The following BEND7 variants were observed in gnomAD, a reference collection of about 807,000 sequenced individuals.
The protein encoded by BEND7 is BEN domain containing 7, also known as BEN domain-containing protein 7.
BEND7 carries 28 observed loss-of-function variants against 50.9 expected under a neutral mutation model. That is an observed-to-expected ratio of 0.55 (90% CI 0.41 to 0.75). The LOEUF (loss-of-function observed/expected upper bound fraction) is 0.75. Ranked by LOEUF, BEND7 falls within the 30% of genes least tolerant of loss-of-function variation. The probability of loss-of-function intolerance (pLI) is 0.00; values close to 1 mark genes in which losing one functional copy is unlikely to be tolerated. For missense variants in BEND7, 477 were observed against 491.3 expected (o/e 0.97, Z 0.28); for synonymous variants, 170 against 183.9 (o/e 0.92, Z 0.61).
chr10:13,528,444 C>T (rs2079563831), intron 1 of BEND7, 29 bp downstream of exon 1: 1 of 1,001,112 alleles, frequency 1.0e-6, no homozygotes, highest in Non-Finnish European at 1.2e-6. Context: ...CGCCCGCTGC[C>T]TGCCCCCGCC....
chr10:13,517,648 G>A (rs1010961636), intron 2 of BEND7, among the ~76,000 whole-genome samples: 1 of 152,194 alleles, frequency 6.6e-6, no homozygotes, highest in Non-Finnish European at 1.5e-5. Flanking sequence ...AGCTACTTGG[G>A]AGGCTGAGTA....
chr10:13,474,004 C>T (rs576691101), intron 6 of BEND7, among the ~76,000 whole-genome samples: 2 of 152,028 alleles, frequency 1.3e-5, no homozygotes, highest in South Asian at 4.2e-4. Flanking sequence ...GGGCTGATAT[C>T]TGTCATTGCT....
At chr10:13,463,338 G>T (rs2073906636) in intron 6 of BEND7, among the ~76,000 whole-genome samples, 1 of 152,210 alleles carries the variant, frequency 6.6e-6, no homozygotes, top group African/African-American at 2.4e-5. Flanking sequence ...CTGGAGAGGA[G>T]AAAGGGGAGG....
intron 6 of BEND7, among the ~76,000 whole-genome samples, chr10:13,453,399 G>C (rs926980056): frequency 2.0e-5 from 3 of 152,074 alleles, no homozygotes; most frequent in African/African-American, 7.3e-5. Context: ...AGATCTGGTA[G>C]GCCATCACAT....
rs373138745 is a variant in BEND7, at chr10:13,441,147, T to C, written c.*596A>G. On this transcript the variant is annotated 3_prime_UTR_variant, in exon 9 of 9. Transcript: ENST00000466271. Reference sequence around the variant, plus strand: ...CAGACATAAAGAGCATCTTGGGAATTGATACCACAACACAATGTTATACAC... The same window carrying C: ...CAGACATAAAGAGCATCTTGGGAATCGATACCACAACACAATGTTATACAC... 2.3e-5 allele frequency: 23 copies of C among 984,840 alleles called. No individual in the cohort carries two copies. Among genetic ancestry groups the C allele is most frequent in the Admixed American group, 1.2e-4 (2 of 16,288 alleles). The allele number at this position is 984,840 out of a possible 1,614,324, so 61.0% of individuals were successfully genotyped here.
At chr10:13,464,593 G>A (rs901035951) in intron 6 of BEND7, among the ~76,000 whole-genome samples, 2 of 152,078 alleles carry the variant, frequency 1.3e-5, no homozygotes, top group Non-Finnish European at 2.9e-5. Context: ...TTAGAGAGGG[G>A]ATATGAAGTA....
At position 13,477,253 on chromosome 10, in the gene BEND7, T is replaced by C. The variant is rs149404578; in HGVS notation, c.1063+3646A>G. Among the ~76,000 whole-genome samples, 117 of 152,340 alleles carry C rather than the reference T, an allele frequency of 7.7e-4. 4 individuals carry two copies. The East Asian group carries it at 0.018, about 23-fold the overall frequency. On this transcript the variant is annotated intron_variant, in intron 6 of 8. Transcript: ENST00000466271. The stretch of plus-strand genomic sequence containing the variant: ...ATTTTGTAAAATTAGCCAGTCTTCA[T>C]ATGTTCCTAGATAATAGGACTTTTC...
intron 7 of BEND7, among the ~76,000 whole-genome samples, chr10:13,451,924 T>C (rs1309049503): frequency 1.3e-5 from 2 of 152,096 alleles, no homozygotes; most frequent in East Asian, 1.9e-4. Context: ...CACTAGGAAA[T>C]TGGCCCCCAC....
At chr10:13,478,220 G>C (rs933832415) in intron 6 of BEND7, among the ~76,000 whole-genome samples, 1 of 152,180 alleles carries the variant, frequency 6.6e-6, no homozygotes, top group African/African-American at 2.4e-5. Flanking sequence ...TGTGATCAGA[G>C]TTAATTCCCC....
intron 6 of BEND7, among the ~76,000 whole-genome samples, chr10:13,477,599 T>C (rs1412196845): frequency 1.3e-5 from 2 of 152,216 alleles, no homozygotes; most frequent in African/African-American, 2.4e-5. Context: ...CGAAGGAAAA[T>C]ACAGTAAAGA....
chr10:13,527,719 A>AT lies in BEND7; in HGVS notation c.61+753dup, dbSNP rs201024072. 1,328 of 455,246 alleles carry AT rather than the reference A, an allele frequency of 2.9e-3. 17 individuals are homozygous for AT. Among genetic ancestry groups the AT allele is most frequent in the African/African-American group, 0.021 (1,007 of 47,396 alleles). 28.2% of individuals were successfully genotyped at this position (455,246 alleles called of 1,614,324 possible). On this transcript the variant is annotated intron_variant, in intron 1 of 8. Coordinates refer to ENST00000466271, the MANE Select transcript of BEND7 (RefSeq NM_001369863.1). Reference sequence around the variant, plus strand: ...TTTTCACGATGGCTCTTGAGTTATCATTTTTTTAAAAAAAAAAGTCAAATC... The same window carrying AT: ...TTTTCACGATGGCTCTTGAGTTATCATTTTTTTTAAAAAAAAAAGTCAAATC...
intron 2 of BEND7, among the ~76,000 whole-genome samples, chr10:13,507,888 TAAAGAG>T (rs1383230702): frequency 6.6e-6 from 1 of 152,180 alleles, no homozygotes; most frequent in African/African-American, 2.4e-5. Flanking sequence ...AATGGCATGT[TAAAGAG>T]AAAGAGTTTA....
rs773629076 is a variant in BEND7, at chr10:13,492,842, G to C, written c.606C>G (p.Ser202=). ...GTQNRQQPPI[S]LICSQRTAVS... ...CAGCAGTTCGCTGGGAGCATATAAGGGAAATTGGAGGTTGTTGTCTGTTTT... is the reference window on the plus strand; with the variant it reads ...CAGCAGTTCGCTGGGAGCATATAAGCGAAATTGGAGGTTGTTGTCTGTTTT... The change falls in exon 5 of 9, where the codon TCC becomes TCG. Residue 202 remains serine, a synonymous_variant. Coordinates refer to ENST00000466271, the MANE Select transcript of BEND7 (RefSeq NM_001369863.1). 22 of 1,604,564 alleles carry C rather than the reference G, an allele frequency of 1.4e-5. No homozygotes were observed. The highest frequency in any genetic ancestry group is 1.7e-5 in the Non-Finnish European group (20 of 1,178,032).
At chr10:13,504,502 T>C (rs1288433329) in intron 2 of BEND7, among the ~76,000 whole-genome samples, 3 of 147,032 alleles carry the variant, frequency 2.0e-5, no homozygotes, top group East Asian at 2.0e-4. Flanking sequence ...AGTTCTTTGA[T>C]AAAAAAAAAA....
chr10:13,453,282 T>C (rs1038757496), intron 6 of BEND7, among the ~76,000 whole-genome samples: 1 of 152,214 alleles, frequency 6.6e-6, no homozygotes, highest in Non-Finnish European at 1.5e-5. Context: ...GGGAGGGCTA[T>C]GCACAGTGTG....
chr10:13,470,725 C>T (rs563294272), intron 6 of BEND7, among the ~76,000 whole-genome samples: 5 of 152,214 alleles, frequency 3.3e-5, no homozygotes, highest in Non-Finnish European at 7.4e-5. Context: ...GGCAGGGATC[C>T]GAATTCATAA....
At position 13,492,767 on chromosome 10, in the gene BEND7, T is replaced by G. The variant is rs1331845812; in HGVS notation, c.681A>C (p.Glu227Asp). ...KKKKVPPKTV[E>D]PLTVKQKPSG... is the part of the protein sequence containing the mutation. ...TGGGCTTCTGTTTCACAGTAAGAGG[T>G]TCCACAGTCTTTGGGGGCACTTTTT... is the stretch of plus-strand genomic sequence containing the variant. Residue 227 changes from glutamate (E) to aspartate (D), a missense_variant, in exon 5 of 9, where the codon GAA (glutamate) becomes GAC (aspartate). Glu to Asp is a conservative substitution (Grantham distance 45). Coordinates refer to ENST00000466271, the MANE Select transcript of BEND7 (RefSeq NM_001369863.1). The G allele has an allele frequency of 1.2e-6, 2 of 1,612,938 alleles. No individual in the cohort carries two copies. Among genetic ancestry groups the G allele is most frequent in the Admixed American group, 3.4e-5 (2 of 59,502 alleles).
At chr10:13,457,155 G>A (rs896397925) in intron 6 of BEND7, among the ~76,000 whole-genome samples, 1 of 152,188 alleles carries the variant, frequency 6.6e-6, no homozygotes, top group African/African-American at 2.4e-5. Context: ...TGAAATGCAT[G>A]TGTCCAAATT....
chr10:13,464,532 C>T (rs1217603244), intron 6 of BEND7, among the ~76,000 whole-genome samples: 1 of 152,090 alleles, frequency 6.6e-6, no homozygotes, highest in Non-Finnish European at 1.5e-5. Flanking sequence ...AACTCCATTA[C>T]TCTGGGGCGG....
Sources: allele counts gnomAD v4.1 joint callset (sites outside exome capture counted in the v4.1 genomes callset), GRCh38; gene constraint gnomAD v4.1.1; transcripts MANE v1.5; gene names NCBI Gene and HGNC (gene_info 2026-07-23, HGNC 2026-07-21).